The following SCHIP1 variants were observed in gnomAD, a reference collection of about 807,000 sequenced individuals.
The protein encoded by SCHIP1 is schwannomin-interacting protein 1.
A neutral mutation model predicts 29.7 loss-of-function variants in SCHIP1; 8 were observed. The ratio of observed to expected loss-of-function variants is 0.27; its 90% CI spans 0.16 to 0.49. SCHIP1 has a LOEUF of 0.49. SCHIP1 is among the 20% of genes least tolerant of loss of function. The pLI, the probability that SCHIP1 is intolerant of heterozygous loss-of-function variation, is 0.99. For synonymous variants in SCHIP1, 76 were observed against 94.9 expected (o/e 0.80, Z 1.16); for missense variants, 193 against 294.6 (o/e 0.66, Z 2.52).
chr3:159,755,191 C>T, the SCHIP1 span, among the ~76,000 whole-genome samples: 7 of 152,080 alleles, frequency 4.6e-5, no homozygotes, highest in South Asian at 6.2e-4. Context: ...GCCAACATCA[C>T]GCCACTGGAC....
At chr3:159,533,575 T>C in the SCHIP1 span, among the ~76,000 whole-genome samples, 1 of 152,120 alleles carries the variant, frequency 6.6e-6, no homozygotes, top group Non-Finnish European at 1.5e-5. Flanking sequence ...GAGAAATAAC[T>C]CATAACTTAG....
chr3:159,711,831 A>G, the SCHIP1 span, among the ~76,000 whole-genome samples: 2 of 152,216 alleles, frequency 1.3e-5, no homozygotes, highest in African/African-American at 2.4e-5. Flanking sequence ...GGAACAATGA[A>G]GAATCGGCTC....
chr3:159,866,369 T>C, intron 2 of SCHIP1, 88 bp downstream of exon 3: 1 of 1,328,986 alleles, frequency 7.5e-7, no homozygotes, highest in Non-Finnish European at 1.0e-6. Context: ...CTTTAAATCT[T>C]CTGTAGTTTT....
chr3:159,633,801 T>A, the SCHIP1 span, among the ~76,000 whole-genome samples: 1 of 152,158 alleles, frequency 6.6e-6, no homozygotes, highest in East Asian at 1.9e-4. Flanking sequence ...AAAAAGAGTT[T>A]CCACTAAAGA....
the SCHIP1 span, among the ~76,000 whole-genome samples, chr3:159,684,767 G>A: frequency 6.8e-6 from 1 of 146,328 alleles, no homozygotes; most frequent in Non-Finnish European, 1.5e-5. Flanking sequence ...TTATGCCACT[G>A]CACTCTGGCC....
chr3:159,648,144 A>C, the SCHIP1 span, among the ~76,000 whole-genome samples: 1 of 152,198 alleles, frequency 6.6e-6, no homozygotes, highest in Admixed American at 6.5e-5. Context: ...TGTCTATCCC[A>C]GGCACACTCC....
At chr3:159,837,734 A>G (rs1419594439), upstream of SCHIP1, among the ~76,000 whole-genome samples, 1 of 151,960 alleles carries the variant, frequency 6.6e-6, no homozygotes, top group Non-Finnish European at 1.5e-5. Flanking sequence ...AAAAAAAAAA[A>G]AGAATTCCAG....
At chr3:159,571,114 T>C in the SCHIP1 span, among the ~76,000 whole-genome samples, 1 of 152,194 alleles carries the variant, frequency 6.6e-6, no homozygotes, top group Non-Finnish European at 1.5e-5. Context: ...CCTCATTTCC[T>C]AACTGAATAC....
the SCHIP1 span, among the ~76,000 whole-genome samples, chr3:159,798,484 G>A: frequency 1.3e-5 from 2 of 151,674 alleles, no homozygotes; most frequent in South Asian, 2.1e-4. Flanking sequence ...AAGGCCAGGC[G>A]CAGTGGTTCA....
chr3:159,560,834 C>T, the SCHIP1 span, among the ~76,000 whole-genome samples: 1 of 152,158 alleles, frequency 6.6e-6, no homozygotes, highest in African/African-American at 2.4e-5. Flanking sequence ...TGGGGTGCTC[C>T]GAGCAGATGG....
the SCHIP1 span, among the ~76,000 whole-genome samples, chr3:159,456,522 A>AAGTT: frequency 6.6e-6 from 1 of 152,192 alleles, no homozygotes; most frequent in Non-Finnish European, 1.5e-5. Flanking sequence ...TATCCTGTGA[A>AAGTT]AGTTAGAGAT....
chr3:159,657,618 T>C, the SCHIP1 span, among the ~76,000 whole-genome samples: 1 of 152,334 alleles, frequency 6.6e-6, no homozygotes, highest in African/African-American at 2.4e-5. Context: ...ATTTAACTCT[T>C]GAGGGAACAG....
chr3:159,725,484 C>T, the SCHIP1 span, among the ~76,000 whole-genome samples: 3 of 151,948 alleles, frequency 2.0e-5, no homozygotes, highest in African/African-American at 4.8e-5. Context: ...GGTCAGGTCT[C>T]GAACTCCTGG....
chr3:159,703,612 G>A, the SCHIP1 span, among the ~76,000 whole-genome samples: 32 of 152,252 alleles, frequency 2.1e-4, no homozygotes, highest in East Asian at 3.9e-4. Flanking sequence ...TTTCTAGTGC[G>A]CTGAAGCATT....
intron 4 of SCHIP1, 44 bp from the exon 6 acceptor site, chr3:159,888,776 G>A: frequency 1.2e-6 from 2 of 1,607,294 alleles, no homozygotes; most frequent in Non-Finnish European, 1.7e-6. Context: ...CAGTGTGTTT[G>A]TGGCTCTGTT....
At chr3:159,588,515 T>C in the SCHIP1 span, among the ~76,000 whole-genome samples, 5,694 of 152,296 alleles carry the variant, frequency 0.037, 255 homozygotes, top group East Asian at 0.17. Flanking sequence ...TTGCTTTTGC[T>C]GTTTTAGACA....
the SCHIP1 span, among the ~76,000 whole-genome samples, chr3:159,314,757 G>A: frequency 1.2e-3 from 188 of 152,212 alleles, 1 homozygote; most frequent in African/African-American, 4.1e-3. Flanking sequence ...TTCTAGTTAC[G>A]AGCAATAGTA....
At chr3:159,723,109 T>C in the SCHIP1 span, among the ~76,000 whole-genome samples, 15 of 152,298 alleles carry the variant, frequency 9.8e-5, no homozygotes, top group South Asian at 3.1e-3. Flanking sequence ...TAATTATTAA[T>C]AGCTCATCCA....
chr3:159,570,773 A>G, the SCHIP1 span, among the ~76,000 whole-genome samples: 4 of 152,222 alleles, frequency 2.6e-5, no homozygotes, highest in Admixed American at 6.5e-5. Flanking sequence ...CTTCGTATCC[A>G]TGAGCATGGA....
Sources: gnomAD v4.1 joint callset for allele counts (sites outside exome capture counted in the v4.1 genomes callset) on GRCh38, gnomAD v4.1.1 for gene constraint, MANE v1.5 for transcripts, NCBI Gene and HGNC (gene_info 2026-07-23, HGNC 2026-07-21) for gene names.